ADAM23: variants seen among roughly 807,000 people sequenced by gnomAD.
The protein encoded by ADAM23 is disintegrin and metalloproteinase domain-containing protein 23.
A neutral mutation model predicts 120.1 loss-of-function variants in ADAM23; 33 were observed. The ratio of observed to expected loss-of-function variants is 0.27; its 90% CI spans 0.21 to 0.37. ADAM23 has a LOEUF of 0.37. Ranked by LOEUF, ADAM23 falls within the 10% of genes least tolerant of loss-of-function variation. The probability of loss-of-function intolerance (pLI) is 1.00; values close to 1 mark genes in which losing one functional copy is unlikely to be tolerated. For synonymous variants in ADAM23, 367 were observed against 375.2 expected (o/e 0.98, Z 0.25); for missense variants, 862 against 1,058.2 (o/e 0.81, Z 2.57).
At chr2:206,508,306 G>A (rs866562935) in intron 3 of ADAM23, among the ~76,000 whole-genome samples, 15 of 152,272 alleles carry the variant, frequency 9.9e-5, no homozygotes, top group Admixed American at 5.2e-4. Context: ...GATTACAGGC[G>A]TGAGCCACTG....
chr2:206,556,602 T>G (rs2105818478), intron 9 of ADAM23, among the ~76,000 whole-genome samples: 2 of 152,316 alleles, frequency 1.3e-5, no homozygotes, highest in South Asian at 4.1e-4. Flanking sequence ...TTGAAGACAT[T>G]AAGCAAAGCG....
chr2:206,549,853 A>G (rs1038347888), intron 8 of ADAM23, among the ~76,000 whole-genome samples: 2 of 152,084 alleles, frequency 1.3e-5, no homozygotes, highest in Non-Finnish European at 2.9e-5. Flanking sequence ...ACTGTTTTCT[A>G]TGTTGATAAG....
intron 21 of ADAM23, 135 bp from the exon 22 acceptor site, chr2:206,592,482 A>T: frequency 1.8e-6 from 2 of 1,125,716 alleles, no homozygotes; most frequent in Non-Finnish European, 2.5e-6. Flanking sequence ...CCTACCAATG[A>T]TATATGATCA....
rs141807014 is a variant in ADAM23, at chr2:206,461,171, C to G, written c.432+15647C>G. 1.9e-3 allele frequency among the ~76,000 whole-genome samples: 282 copies of G among 150,326 alleles called. 2 individuals are homozygous for G. The highest frequency in any genetic ancestry group is 6.5e-3 in the African/African-American group (266 of 40,872). ...TCGCCTCCTCGGTTTAAGTGATTCT[C>G]CTGCCTCAACCTCCTGAGTAGCTGG... On this transcript the variant is annotated intron_variant, in intron 2 of 25. Coordinates refer to ENST00000264377, the MANE Select transcript of ADAM23 (RefSeq NM_003812.4).
At chr2:206,608,613 G>A (rs750720063) in intron 24 of ADAM23, among the ~76,000 whole-genome samples, 4 of 151,608 alleles carry the variant, frequency 2.6e-5, no homozygotes, top group Non-Finnish European at 4.4e-5. Context: ...ACTGAGATTC[G>A]TTCTCTAGAC....
At chr2:206,529,983 TG>T (rs1345804736) in intron 3 of ADAM23, among the ~76,000 whole-genome samples, 1 of 152,180 alleles carries the variant, frequency 6.6e-6, no homozygotes, top group Non-Finnish European at 1.5e-5. Flanking sequence ...GGCTAATTTT[TG>T]TATTTTTGTA....
intron 2 of ADAM23, among the ~76,000 whole-genome samples, chr2:206,460,924 T>G (rs1695404049): frequency 6.6e-6 from 1 of 152,196 alleles, no homozygotes; most frequent in Non-Finnish European, 1.5e-5. Context: ...TGGTGTAGGT[T>G]AGGAACCAAC....
At chr2:206,559,839 A>G (rs1468461267) in intron 10 of ADAM23, 116 bp from the exon 11 acceptor site, 2 of 820,992 alleles carry the variant, frequency 2.4e-6, no homozygotes, top group East Asian at 2.6e-5. Context: ...TGGGCTAATT[A>G]TGACCCCGTG....
intron 2 of ADAM23, among the ~76,000 whole-genome samples, chr2:206,479,247 G>T (rs1422630922): frequency 2.0e-5 from 3 of 152,128 alleles, no homozygotes; most frequent in African/African-American, 7.2e-5. Context: ...TTTACCACCA[G>T]ATTACCTTAT....
chr2:206,460,835 T>C (rs1695402319), intron 2 of ADAM23, among the ~76,000 whole-genome samples: 1 of 152,200 alleles, frequency 6.6e-6, no homozygotes, highest in African/African-American at 2.4e-5. Context: ...ATGAAGGTTT[T>C]CCCCTCTGTT....
At chr2:206,569,369 G>A (rs564854221) in intron 15 of ADAM23, among the ~76,000 whole-genome samples, 5 of 152,168 alleles carry the variant, frequency 3.3e-5, no homozygotes, top group South Asian at 2.1e-4. Flanking sequence ...TTTAAACTAC[G>A]TAGTACAATG....
In ADAM23 at chr2:206,620,767, A is replaced by G. The variant is rs889343033; in HGVS notation, c.*3140A>G. The G allele has an allele frequency of 1.3e-5, 2 of 152,250 alleles. No individual in the cohort carries two copies. The highest frequency in any genetic ancestry group is 3.9e-4 in the East Asian group (2 of 5,192). The allele number at this position is 152,250 out of a possible 1,614,324, so 9.4% of individuals were successfully genotyped here. A position where few individuals can be genotyped will look rare whatever the true frequency, so the allele number is the denominator to read the frequency against. ...ATAACTGAGCAGTACACATAAGTGC[A>G]TGTTATGAAACATGAATCACATAGA... is the stretch of plus-strand genomic sequence containing the variant. On this transcript the variant is annotated 3_prime_UTR_variant, in exon 26 of 26. Transcript: ENST00000264377.
chr2:206,487,456 A>G (rs1696038325), intron 3 of ADAM23, among the ~76,000 whole-genome samples: 1 of 152,200 alleles, frequency 6.6e-6, no homozygotes, highest in Admixed American at 6.5e-5. Flanking sequence ...AGCACTGGGA[A>G]TTCAGATAAC....
intron 3 of ADAM23, among the ~76,000 whole-genome samples, chr2:206,507,208 A>G (rs909181901): frequency 4.6e-5 from 7 of 152,050 alleles, no homozygotes; most frequent in African/African-American, 1.7e-4. Flanking sequence ...ATGGTAGGTG[A>G]TATGGTTTGG....
intron 2 of ADAM23, among the ~76,000 whole-genome samples, chr2:206,453,509 C>T (rs1553545171): frequency 6.6e-6 from 1 of 152,300 alleles, no homozygotes; most frequent in African/African-American, 2.4e-5. Context: ...ATGAAAGACT[C>T]ATTCATTCAT....
intron 4 of ADAM23, among the ~76,000 whole-genome samples, chr2:206,539,425 C>T (rs1697246360): frequency 6.6e-6 from 1 of 152,152 alleles, no homozygotes; most frequent in Non-Finnish European, 1.5e-5. Flanking sequence ...AGGGCCAGCC[C>T]TCTTTAATTG....
chr2:206,609,935 A>G lies in ADAM23; in HGVS notation c.2385A>G (p.Ile795Met). The G allele has an allele frequency of 6.2e-7, 1 of 1,600,948 alleles. No homozygotes were observed. The highest frequency in any genetic ancestry group is 8.5e-7 in the Non-Finnish European group (1 of 1,175,672). The change falls in exon 25 of 26, where the codon ATA becomes ATG. Residue 795 changes from isoleucine (I) to methionine (M), a missense_variant. Transcript: ENST00000264377. ...GTCCTAGTGCCACCAATCTCATAATAGGCTCCATCGCTGGTGCCATCCTGG... is the reference window on the plus strand; with the variant it reads ...GTCCTAGTGCCACCAATCTCATAATGGGCTCCATCGCTGGTGCCATCCTGG... ...PKGPSATNLI[I>M]GSIAGAILVA...
chr2:206,475,160 G>A (rs967244602), intron 2 of ADAM23, among the ~76,000 whole-genome samples: 2 of 152,182 alleles, frequency 1.3e-5, no homozygotes, highest in African/African-American at 4.8e-5. Context: ...ATGGGGTGCT[G>A]TGTTCTAGAT....
rs533902360 is a variant in ADAM23, at chr2:206,607,762, A to G, written c.2360-2148A>G. Among the ~76,000 whole-genome samples the G allele has an allele frequency of 4.6e-5, 7 of 152,324 alleles. No homozygotes were observed. The East Asian group carries it at 9.6e-4, about 21-fold the overall frequency. ...TCCCCATCAAATTCCAAGTTTTAGCATAATTGCTCAAGAAATATAGTTTTT... is the reference window on the plus strand; with the variant it reads ...TCCCCATCAAATTCCAAGTTTTAGCGTAATTGCTCAAGAAATATAGTTTTT... On this transcript the variant is annotated intron_variant, in intron 24 of 25. Transcript: ENST00000264377.
Sources: allele counts gnomAD v4.1 joint callset (sites outside exome capture counted in the v4.1 genomes callset), GRCh38; gene constraint gnomAD v4.1.1; transcripts MANE v1.5; gene names NCBI Gene and HGNC (gene_info 2026-07-23, HGNC 2026-07-21).